Variants in CACNA1E observed in about 807,000 individuals in gnomAD.
CACNA1E encodes the protein calcium voltage-gated channel subunit alpha1 E.
A neutral mutation model predicts 259.2 loss-of-function variants in CACNA1E; 40 were observed. That is an observed-to-expected ratio of 0.15 (90% CI 0.12 to 0.20). CACNA1E has a LOEUF of 0.20. Among genes scored for constraint, CACNA1E ranks in the 10% least tolerant of loss-of-function variants. CACNA1E has a pLI of 1.00. For synonymous variants in CACNA1E, 1,104 were observed against 1,138.5 expected, an observed-to-expected ratio of 0.97 and a Z score of 0.61; for missense variants, 1,874 against 3,040.1, an observed-to-expected ratio of 0.62 and a Z score of 9.02.
At chr1:181,795,936 A>C (rs2102898850) in intron 46 of CACNA1E, among the ~76,000 whole-genome samples, 1 of 151,882 alleles carries the variant, frequency 6.6e-6, no homozygotes, top group South Asian at 2.1e-4. Context: ...TCACCATAGC[A>C]TTATGTTAGG....
At chr1:181,771,516 A>G in intron 36 of CACNA1E, 132 bp downstream of exon 36, 3 of 636,132 alleles carry the variant, frequency 4.7e-6, no homozygotes, top group Non-Finnish European at 8.6e-6. Flanking sequence ...AAAGGGGAAC[A>G]GGCAATGTCT....
upstream of CACNA1E, among the ~76,000 whole-genome samples, chr1:181,479,602 T>A (rs1417250472): frequency 6.6e-6 from 1 of 152,158 alleles, no homozygotes; most frequent in Admixed American, 6.5e-5. Context: ...TTTCTGAGGA[T>A]CCTCCTGGAT....
At chr1:181,418,547 AC>A (rs764079217) in intron 2 of CACNA1E, among the ~76,000 whole-genome samples, 3 of 152,142 alleles carry the variant, frequency 2.0e-5, no homozygotes, top group Non-Finnish European at 2.9e-5. Context: ...AATTTAAGAT[AC>A]CACCCACTTA....
chr1:181,440,217 T>A (rs1571879058), intron 2 of CACNA1E, among the ~76,000 whole-genome samples: 1 of 151,916 alleles, frequency 6.6e-6, no homozygotes, highest in East Asian at 1.9e-4. Flanking sequence ...AAGAGGCAAT[T>A]GTCGTATGCT....
chr1:181,568,919 T>C (rs2102925958), intron 3 of CACNA1E, among the ~76,000 whole-genome samples: 1 of 152,334 alleles, frequency 6.6e-6, no homozygotes, highest in African/African-American at 2.4e-5. Context: ...TTCGGACTCC[T>C]TACTGTCTAC....
At chr1:181,604,263 C>G (rs2103077926) in intron 6 of CACNA1E, among the ~76,000 whole-genome samples, 1 of 152,328 alleles carries the variant, frequency 6.6e-6, no homozygotes, top group South Asian at 2.1e-4. Context: ...TTTGGGGAAC[C>G]CTCCCTGCTT....
intron 7 of CACNA1E, among the ~76,000 whole-genome samples, chr1:181,695,908 T>C (rs1329810233): frequency 6.6e-6 from 1 of 152,204 alleles, no homozygotes; most frequent in Non-Finnish European, 1.5e-5. Flanking sequence ...TGAGTTGAGA[T>C]TGCGCCACTG....
chr1:181,352,829 T>G (rs1557935610), intron 1 of CACNA1E, among the ~76,000 whole-genome samples: 1 of 152,116 alleles, frequency 6.6e-6, no homozygotes. Context: ...AGGACTCAGG[T>G]TGATGAGACC....
At chr1:181,544,357 C>G (rs1283389626) in intron 3 of CACNA1E, among the ~76,000 whole-genome samples, 4 of 151,052 alleles carry the variant, frequency 2.6e-5, no homozygotes, top group Non-Finnish European at 5.9e-5. Context: ...TGAAAATGTC[C>G]TAAAATTAGA....
Position 181,363,319 on chromosome 1 carries a change from A to T in CACNA1E, c.-15+45196A>T, listed in dbSNP as rs557889618. 1.2e-3 allele frequency among the ~76,000 whole-genome samples: 180 copies of T among 152,352 alleles called. 1 individual carries two copies. Among genetic ancestry groups the T allele is most frequent in the African/African-American group, 4.1e-3 (172 of 41,590 alleles). ...ATGCGCGTGTGGGATGTCTATTACT[A>T]TAATACCTCAGAGGAGAGAAATAGT... On this transcript the variant is annotated intron_variant, in intron 1 of 11. Transcript: ENST00000524607.
rs150294854 is a variant in CACNA1E at position 181,720,668 on chromosome 1, GA to G, written c.1884-114del. ...TGTGGAATGGGGAAAAAGTAGGGAA[GA>G]GGGGGGTTGTAGAAGAAAGGAGAAA... On this transcript the variant is annotated intron_variant, in intron 14 of 47. Transcript: ENST00000367573. 0.023 allele frequency: 16,046 copies of G among 710,378 alleles called. 255 individuals carry two copies. The highest frequency in any genetic ancestry group is 0.063 in the African/African-American group (3,597 of 57,348). The allele number at this position is 710,378 out of a possible 1,614,324, so 44.0% of individuals were successfully genotyped here.
intron 3 of CACNA1E, among the ~76,000 whole-genome samples, chr1:181,520,806 A>G (rs1014227402): frequency 6.6e-6 from 1 of 152,212 alleles, no homozygotes; most frequent in Non-Finnish European, 1.5e-5. Flanking sequence ...TTTTCTAACA[A>G]GGAAAATGTT....
intron 3 of CACNA1E, among the ~76,000 whole-genome samples, chr1:181,562,971 A>T (rs962863997): frequency 3.3e-5 from 5 of 152,208 alleles, no homozygotes; most frequent in African/African-American, 1.2e-4. Flanking sequence ...AAAATTGCTT[A>T]TCTTTTATTT....
intron 6 of CACNA1E, among the ~76,000 whole-genome samples, chr1:181,591,294 T>A (rs998200772): frequency 1.2e-4 from 18 of 152,228 alleles, no homozygotes; most frequent in African/African-American, 4.3e-4. Context: ...TTAGAAAGCT[T>A]CTAGTTCTGT....
intron 1 of CACNA1E, among the ~76,000 whole-genome samples, chr1:181,328,792 A>G (rs192960408): frequency 5.8e-4 from 88 of 152,294 alleles, no homozygotes; most frequent in Middle Eastern, 3.4e-3. Flanking sequence ...CTGCTGTGCA[A>G]TCTGAGGATT....
intron 40 of CACNA1E, 32 bp from the exon 41 acceptor site, chr1:181,784,629 A>T (rs1393886484): frequency 2.1e-6 from 3 of 1,419,454 alleles, no homozygotes; most frequent in East Asian, 2.5e-5. Flanking sequence ...TTCTGGGTCT[A>T]TTCTATTTAT....
chr1:181,327,970 C>T (rs1650925131), intron 1 of CACNA1E, among the ~76,000 whole-genome samples: 1 of 152,196 alleles, frequency 6.6e-6, no homozygotes, highest in Admixed American at 6.5e-5. Flanking sequence ...GGCAGGGGGA[C>T]AGCTGGGATG....
intron 29 of CACNA1E, among the ~76,000 whole-genome samples, 158 bp from the exon 30 acceptor site, chr1:181,756,767 A>G (rs896576068): frequency 3.3e-5 from 5 of 152,202 alleles, no homozygotes; most frequent in African/African-American, 1.2e-4. Flanking sequence ...TGGATTGTTG[A>G]TAGCAGGATA....
intron 7 of CACNA1E, among the ~76,000 whole-genome samples, chr1:181,653,351 G>A (rs918801956): frequency 1.2e-4 from 18 of 152,010 alleles, no homozygotes; most frequent in Admixed American, 2.0e-4. Flanking sequence ...TGATTGTCAC[G>A]AGACCTGATG....
Sources: allele counts gnomAD v4.1 joint callset (sites outside exome capture counted in the v4.1 genomes callset), GRCh38; gene constraint gnomAD v4.1.1; transcripts MANE v1.5; gene names NCBI Gene and HGNC (gene_info 2026-07-23, HGNC 2026-07-21).